GIT1: variants seen among roughly 807,000 people sequenced by gnomAD.
GIT1 encodes the protein GIT ArfGAP 1.
GIT1 carries 14 observed loss-of-function variants against 91.7 expected under a neutral mutation model. That is an observed-to-expected ratio of 0.15 (90% CI 0.10 to 0.24). GIT1 has a LOEUF of 0.24. Ranked by LOEUF, GIT1 falls within the 10% of genes least tolerant of loss-of-function variation. The pLI, the probability that GIT1 is intolerant of heterozygous loss-of-function variation, is 1.00. For synonymous variants in GIT1, 414 were observed against 418.2 expected (o/e 0.99, Z 0.12); for missense variants, 717 against 1,024.9 (o/e 0.70, Z 4.10).
At position 29,574,664 on chromosome 17, in the gene GIT1, G is replaced by T; in HGVS notation, c.*38C>A. 1 of 1,488,882 alleles carries T rather than the reference G, an allele frequency of 6.7e-7. No homozygotes were observed. The highest frequency in any genetic ancestry group is 9.4e-7 in the Non-Finnish European group (1 of 1,068,796). The allele number at this position is 1,488,882 out of a possible 1,614,324, so 92.2% of individuals were successfully genotyped here. A position where few individuals can be genotyped will look rare whatever the true frequency, so the allele number is the denominator to read the frequency against. ...GAGTGGCCCAGCTCCTATGGCCAGT[G>T]AGGTCCTAGGGTGCAGGTGAGGGTG... On this transcript the variant is annotated 3_prime_UTR_variant, in exon 20 of 20. Coordinates refer to ENST00000225394, the MANE Select transcript of GIT1 (RefSeq NM_014030.4).
At position 29,576,267 on chromosome 17, in the gene GIT1, G is replaced by A. The variant is rs1208086729; in HGVS notation, c.1564C>T (p.Pro522Ser). ...PGSALKPFGG[P>S]PGDELTTRLQ... ...CGCGTAGTGAGCTCGTCCCCAGGGG[G>A]GCCCCCAAAGGGCTTCAGGGCAGAG... The change falls in exon 14 of 20, where the codon CCC becomes TCC. Residue 522 changes from proline to serine, a missense_variant. Pro to Ser is a moderately conservative substitution (Grantham distance 74, BLOSUM62 -1). Around this residue, in one of 3 missense-constraint regions of GIT1, gnomAD observed 312 missense variants for 349.5 expected, o/e 0.89. Coordinates refer to ENST00000225394, the MANE Select transcript of GIT1 (RefSeq NM_014030.4). The A allele has an allele frequency of 6.2e-7, 1 of 1,610,390 alleles. No individual in the cohort carries two copies. Among genetic ancestry groups the A allele is most frequent in the East Asian group, 2.2e-5 (1 of 44,752 alleles).
chr17:29,589,415 CG>C lies in GIT1; in HGVS notation c.-38del, dbSNP rs914730624. ...ACGCGGCCGCAGCCCTCTGGGCCAG[CG>C]TGGGGGGCGCGGGCGGCGGGCCCGG... On this transcript the variant is annotated 5_prime_UTR_variant, in exon 1 of 20. Coordinates refer to ENST00000225394, the MANE Select transcript of GIT1 (RefSeq NM_014030.4). This position sits in a 1 kb window ranked among gnomAD's most constrained non-coding sequence, Gnocchi z 5.2. 2 of 934,392 alleles carry C rather than the reference CG, an allele frequency of 2.1e-6. No homozygotes were observed. The highest frequency in any genetic ancestry group is 2.5e-6 in the Non-Finnish European group (2 of 784,734). 57.9% of individuals were successfully genotyped at this position (934,392 alleles called of 1,614,324 possible).
At chr17:29,587,660 G>A (rs537637276) in intron 1 of GIT1, among the ~76,000 whole-genome samples, 3 of 152,108 alleles carry the variant, frequency 2.0e-5, no homozygotes, top group Non-Finnish European at 4.4e-5. Flanking sequence ...CCACAGATTC[G>A]GAGATGGCAG....
Position 29,578,262 on chromosome 17 carries a change from G to A in GIT1, c.883+37C>T, listed in dbSNP as rs201521131. ...CAGAGACCCATGCCTGGGCCGCTCG[G>A]GTCCTCCACGCCAGACACTCCTGCT... On this transcript the variant is annotated intron_variant, in intron 9 of 19. Coordinates refer to ENST00000225394, the MANE Select transcript of GIT1 (RefSeq NM_014030.4). The A allele has an allele frequency of 5.0e-4, 775 of 1,555,356 alleles. 6 individuals are homozygous for A. The African/African-American group carries it at 9.8e-3, about 20-fold the overall frequency.
chr17:29,577,078 C>T, intron 11 of GIT1, 58 bp downstream of exon 11: 24 of 1,606,176 alleles, frequency 1.5e-5, no homozygotes, highest in Non-Finnish European at 2.0e-5. Context: ...GAGAGCCATG[C>T]AGGAAAGACC....
chr17:29,585,200 C>T (rs374257733), intron 1 of GIT1, among the ~76,000 whole-genome samples: 10 of 152,216 alleles, frequency 6.6e-5, no homozygotes, highest in Admixed American at 2.0e-4. Flanking sequence ...AATAGTGAGG[C>T]ACCCCAGGTG....
Position 29,589,605 on chromosome 17 carries a change from C to G in GIT1, c.-227G>C, listed in dbSNP as rs1488191179. ...CGCCCCGCGCCGCCCCGCCGCCGCT[C>G]GCGGCTCCTCTCTCCGCCCCCTGCG... On this transcript the variant is annotated 5_prime_UTR_variant, in exon 1 of 20. Coordinates refer to ENST00000225394, the MANE Select transcript of GIT1 (RefSeq NM_014030.4). The surrounding 1 kb of genome is among the most constrained non-coding windows in gnomAD (Gnocchi z 5.2). 6.7e-6 allele frequency: 1 copy of G among 148,624 alleles called. No individual in the cohort carries two copies. The highest frequency in any genetic ancestry group is 1.5e-5 in the Non-Finnish European group (1 of 66,614). The allele number at this position is 148,624 out of a possible 1,614,324, so 9.2% of individuals were successfully genotyped here.
At position 29,576,943 on chromosome 17, in the gene GIT1, A is replaced by C. The variant is rs1349299212; in HGVS notation, c.1147T>G (p.Tyr383Asp). 2 of 1,597,548 alleles carry C rather than the reference A, an allele frequency of 1.3e-6. No homozygotes were observed. Among genetic ancestry groups the C allele is most frequent in the Non-Finnish European group, 1.7e-6 (2 of 1,175,892 alleles). ...SQSDLDDQHD[Y>D]DSVASDEDTD... ...TCCTCGTCAGAGGCCACGCTGTCGT[A>C]GTCGTGTTGGTCGTCGAGGTCACTC... Residue 383 changes from tyrosine (Y) to aspartate (D), a missense_variant, in exon 12 of 20, where the codon TAC becomes GAC. By Grantham distance (160) the Tyr-to-Asp change is radical. This residue lies in a region of GIT1 where 312 missense variants were observed against 349.5 expected (regional missense o/e 0.89). Coordinates refer to ENST00000225394, the MANE Select transcript of GIT1 (RefSeq NM_014030.4).
rs776547724 is a variant in GIT1, at chr17:29,583,465, C to T, written c.186+18G>A. ...TCTGCCTGAGGGGAAGGAAGAACCA[C>T]CCGACTGAGCCCTGTACCTGCAGCA... On this transcript the variant is annotated intron_variant, in intron 2 of 19. Transcript: ENST00000225394. 15 of 1,609,434 alleles carry T rather than the reference C, an allele frequency of 9.3e-6. No individual in the cohort carries two copies. The highest frequency in any genetic ancestry group is 3.3e-5 in the Admixed American group (2 of 59,920).
intron 7 of GIT1, among the ~76,000 whole-genome samples, chr17:29,579,521 G>A (rs2033325682): frequency 2.0e-5 from 3 of 152,184 alleles, no homozygotes; most frequent in Admixed American, 1.3e-4. Context: ...CAAGGTGGGA[G>A]GTTCGCTTGA....
Position 29,583,599 on chromosome 17 carries a change from T to G in GIT1, c.70A>C (p.Ile24Leu), listed in dbSNP as rs898453812. 1 of 1,598,616 alleles carries G rather than the reference T, an allele frequency of 6.3e-7. No homozygotes were observed. Among genetic ancestry groups the G allele is most frequent in the Admixed American group, 1.7e-5 (1 of 57,994 alleles). The change falls in exon 2 of 20, where the codon ATC becomes CTC. Residue 24 changes from isoleucine to leucine, a missense_variant. Transcript: ENST00000225394. ...CSAPDPGWAS[I>L]SRGVLVCDEC... is the part of the protein sequence containing the mutation. ...TCACACACCAGCACACCCCTGCTGA[T>G]GGATGCCCAGCCAGGGTCTGCCAGG...
chr17:29,576,445 G>T lies in GIT1; in HGVS notation c.1386C>A (p.His462Gln), dbSNP rs772734909. Reference protein sequence around the residue: ...DELRRLQREIHKLQAENLQLR... With the variant: ...DELRRLQREIQKLQAENLQLR... ...GCTGCAGGTTCTCCGCCTGCAGCTTGTGGATCTATGGGTGCAAAGTGCTGT... is the reference window on the plus strand; with the variant it reads ...GCTGCAGGTTCTCCGCCTGCAGCTTTTGGATCTATGGGTGCAAAGTGCTGT... Residue 462 changes from histidine to glutamine, a missense_variant, in exon 14 of 20, where the codon CAC (histidine) becomes CAA (glutamine). This residue lies in a region of GIT1 where 312 missense variants were observed against 349.5 expected (regional missense o/e 0.89). Transcript: ENST00000225394. 1.2e-6 allele frequency: 2 copies of T among 1,612,786 alleles called. No homozygotes were observed. Among genetic ancestry groups the T allele is most frequent in the South Asian group, 2.2e-5 (2 of 91,066 alleles).
At position 29,582,687 on chromosome 17, in the gene GIT1, G is replaced by A. The variant is rs1450744686; in HGVS notation, c.405+11C>T. 1.3e-6 allele frequency: 2 copies of A among 1,564,852 alleles called. No individual in the cohort carries two copies. The highest frequency in any genetic ancestry group is 1.4e-5 in the African/African-American group (1 of 73,984). On this transcript the variant is annotated intron_variant, in intron 4 of 19. Transcript: ENST00000225394. ...GAGGGGGCCACCCATCTGTTGTAGG[G>A]CCCCTCAAACCTTGCTGAGGTCTTT...
intron 1 of GIT1, among the ~76,000 whole-genome samples, chr17:29,586,768 C>G (rs1173196459): frequency 1.3e-5 from 2 of 152,166 alleles, no homozygotes; most frequent in Non-Finnish European, 2.9e-5. Flanking sequence ...TGACTGAGAT[C>G]GTGTGGCGAG....
chr17:29,578,227 A>G, intron 9 of GIT1, 72 bp downstream of exon 9: 2 of 1,243,678 alleles, frequency 1.6e-6, no homozygotes, highest in Non-Finnish European at 1.2e-6. Flanking sequence ...TTCTTAGCCC[A>G]GTAAAGGACC....
rs372467014 is a variant in GIT1 at position 29,574,544 on chromosome 17, CAG to C, written c.*156_*157del. 168 of 707,120 alleles carry C rather than the reference CAG, an allele frequency of 2.4e-4. No homozygotes were observed. Among genetic ancestry groups the C allele is most frequent in the East Asian group, 7.6e-4 (31 of 40,584 alleles). The allele number at this position is 707,120 out of a possible 1,614,324, so 43.8% of individuals were successfully genotyped here. On this transcript the variant is annotated 3_prime_UTR_variant, in exon 20 of 20. Coordinates refer to ENST00000225394, the MANE Select transcript of GIT1 (RefSeq NM_014030.4). Reference sequence around the variant, plus strand: ...CACCTCCCCATCCTTAGGGGCTCGACAGGGGTGGGCACCAGGGCACCTGGCTG... The same window carrying C: ...CACCTCCCCATCCTTAGGGGCTCGACGGGTGGGCACCAGGGCACCTGGCTG...
rs767132463 is a variant in GIT1 at position 29,575,674 on chromosome 17, G to A, written c.1782C>T (p.Ala594=). The A allele has an allele frequency of 5.6e-6, 9 of 1,612,780 alleles. No individual in the cohort carries two copies. Among genetic ancestry groups the A allele is most frequent in the African/African-American group, 1.3e-5 (1 of 75,036 alleles). The change falls in exon 17 of 20, where the codon GCC becomes GCT. Residue 594 remains alanine, a synonymous_variant. Transcript: ENST00000225394. The surrounding 1 kb of genome is among the most constrained non-coding windows in gnomAD (Gnocchi z 5.5). ...TTTGCGTGTTCTCATAGTCACTGTC[G>A]GCTCCACTGCCGTGGCGGGAAAGCT... is the stretch of plus-strand genomic sequence containing the variant. ...TSKLSRHGSG[A]DSDYENTQSG... is the part of the protein sequence containing the mutation.
chr17:29,584,986 G>A (rs1486341530), intron 1 of GIT1, among the ~76,000 whole-genome samples: 5 of 124,712 alleles, frequency 4.0e-5, no homozygotes, highest in Admixed American at 2.8e-4. Flanking sequence ...TTTTTGAGAC[G>A]GAGTCCCGCT....
At position 29,577,625 on chromosome 17, in the gene GIT1, C is replaced by T; in HGVS notation, c.981+20G>A. 2 of 1,518,144 alleles carry T rather than the reference C, an allele frequency of 1.3e-6. No individual in the cohort carries two copies. The highest frequency in any genetic ancestry group is 1.8e-6 in the Non-Finnish European group (2 of 1,092,716). The allele number at this position is 1,518,144 out of a possible 1,614,324, so 94.0% of individuals were successfully genotyped here. The stretch of plus-strand genomic sequence containing the variant: ...GGGGATGAAGTAGACCACCCCAGGC[C>T]CCCAATCCAGCCCCCTCACCTGATT... On this transcript the variant is annotated intron_variant, in intron 10 of 19. Coordinates refer to ENST00000225394, the MANE Select transcript of GIT1 (RefSeq NM_014030.4).
Sources: gnomAD v4.1 joint callset for allele counts (sites outside exome capture counted in the v4.1 genomes callset) on GRCh38, gnomAD v4.1.1 for gene constraint, gnomAD v4.1.1 regional missense constraint, Gnocchi (gnomAD v3.1) non-coding constraint, MANE v1.5 for transcripts, NCBI Gene and HGNC (gene_info 2026-07-23, HGNC 2026-07-21) for gene names.